Variants in ELMO1 observed in about 807,000 individuals in gnomAD.
ELMO1 encodes engulfment and cell motility protein 1.
In ELMO1, 26 loss-of-function variants were observed where a neutral mutation model predicts 98.9. The observed-to-expected ratio is 0.26, with a 90% CI of 0.19 to 0.36. The LOEUF is 0.36. Among genes scored for constraint, ELMO1 ranks in the 10% least tolerant of loss-of-function variants. The pLI is 1.00. For synonymous variants in ELMO1, 346 were observed against 346.0 expected (o/e 1.00, Z 0.00); for missense variants, 627 against 935.2 (o/e 0.67, Z 4.30).
intron 15 of ELMO1, among the ~76,000 whole-genome samples, chr7:37,086,171 CCTCCTGCCAGGCAGGG>C (rs1783759840): frequency 6.6e-6 from 1 of 152,228 alleles, no homozygotes; most frequent in South Asian, 2.1e-4. Flanking sequence ...CCCGGGCAAG[CCTCCTGCCAGGCAGGG>C]CTCCAGCACC....
chr7:37,319,207 T>C (rs1799356050), intron 2 of ELMO1, among the ~76,000 whole-genome samples: 1 of 152,160 alleles, frequency 6.6e-6, no homozygotes, highest in South Asian at 2.1e-4. Context: ...ATCATCACTT[T>C]CACATTCCCT....
At chr7:37,424,715 C>T (rs999631211) in intron 1 of ELMO1, among the ~76,000 whole-genome samples, 1 of 152,124 alleles carries the variant, frequency 6.6e-6, no homozygotes, top group Non-Finnish European at 1.5e-5. Context: ...ATAATCTGTC[C>T]TGTAATGAGT....
At chr7:37,096,504 TG>T in intron 15 of ELMO1, 114 bp downstream of exon 15, 1 of 798,662 alleles carries the variant, frequency 1.3e-6, no homozygotes, top group Non-Finnish European at 2.1e-6. Context: ...CTATCCACAG[TG>T]ATGACCGTAA....
At chr7:37,265,925 T>C (rs746054501) in intron 5 of ELMO1, among the ~76,000 whole-genome samples, 22 of 151,550 alleles carry the variant, frequency 1.5e-4, no homozygotes, top group Non-Finnish European at 3.1e-4. Context: ...AGGACATCCT[T>C]CCTCAAAGAG....
chr7:36,957,354 C>T (rs12536570), intron 16 of ELMO1, among the ~76,000 whole-genome samples: 31,604 of 151,352 alleles, frequency 0.21, 2,129 homozygotes, highest in African/African-American at 0.37. Flanking sequence ...GCCCTTTTTA[C>T]TCCCTAACTC....
At position 37,342,748 on chromosome 7, in the gene ELMO1, C is replaced by T. The variant is rs1800787238; in HGVS notation, c.-58G>A. On this transcript the variant is annotated 5_prime_UTR_variant, in exon 2 of 22. Coordinates refer to ENST00000310758, the MANE Select transcript of ELMO1 (RefSeq NM_014800.11). This position sits in a 1 kb window ranked among gnomAD's most constrained non-coding sequence, Gnocchi z 4.3. ...AATGAGGATCCTACAGCGTAAACGGCCACACGTGTCTATACCTAATGAGGA... is the reference window on the plus strand; with the variant it reads ...AATGAGGATCCTACAGCGTAAACGGTCACACGTGTCTATACCTAATGAGGA... The T allele has an allele frequency of 1.4e-6, 2 of 1,446,672 alleles. No individual in the cohort carries two copies. The highest frequency in any genetic ancestry group is 1.2e-5 in the South Asian group (1 of 81,174). The allele number at this position is 1,446,672 out of a possible 1,614,324, so 89.6% of individuals were successfully genotyped here. A position where few individuals can be genotyped will look rare whatever the true frequency, so the allele number is the denominator to read the frequency against.
chr7:37,406,433 A>ATT (rs36052735), intron 1 of ELMO1, among the ~76,000 whole-genome samples: 7 of 148,536 alleles, frequency 4.7e-5, no homozygotes, highest in Admixed American at 2.7e-4. Context: ...AAGTAAGAAA[A>ATT]TTTTTTTTTT....
intron 1 of ELMO1, among the ~76,000 whole-genome samples, chr7:37,377,586 A>G (rs929347724): frequency 6.6e-6 from 1 of 152,020 alleles, no homozygotes. Context: ...TGGATAGGAG[A>G]CACCTCCAGG....
At chr7:36,931,078 G>A (rs551573406) in intron 16 of ELMO1, among the ~76,000 whole-genome samples, 1 of 152,340 alleles carries the variant, frequency 6.6e-6, no homozygotes, top group South Asian at 2.1e-4. Context: ...TAAGATGAAA[G>A]CTTTGGTCAC....
intron 1 of ELMO1, among the ~76,000 whole-genome samples, chr7:37,405,484 T>C (rs773090523): frequency 6.6e-6 from 1 of 152,238 alleles, no homozygotes; most frequent in Non-Finnish European, 1.5e-5. Context: ...GTGCTTTAAC[T>C]GACACAAATA....
At chr7:36,905,827 G>A (rs536444154) in intron 16 of ELMO1, among the ~76,000 whole-genome samples, 1 of 152,364 alleles carries the variant, frequency 6.6e-6, no homozygotes, top group Admixed American at 6.5e-5. Flanking sequence ...AGGAATATCA[G>A]TGGATACAGA....
chr7:37,215,212 A>G (rs991969099), intron 11 of ELMO1, among the ~76,000 whole-genome samples: 1 of 152,230 alleles, frequency 6.6e-6, no homozygotes, highest in African/African-American at 2.4e-5. Flanking sequence ...ATTTCTTGTC[A>G]TCTTTGACAG....
At chr7:37,146,107 G>T (rs1466858713) in intron 13 of ELMO1, among the ~76,000 whole-genome samples, 6 of 152,162 alleles carry the variant, frequency 3.9e-5, no homozygotes, top group Non-Finnish European at 7.3e-5. Context: ...GAAGCTCTGT[G>T]GTTGGGAGCC....
intron 10 of ELMO1, among the ~76,000 whole-genome samples, chr7:37,222,298 C>T (rs1793640404): frequency 6.6e-6 from 1 of 152,338 alleles, no homozygotes; most frequent in South Asian, 2.1e-4. Flanking sequence ...AACTCTGCTT[C>T]CACCACAGCA....
intron 16 of ELMO1, among the ~76,000 whole-genome samples, chr7:36,967,196 T>C (rs1031613133): frequency 8.5e-5 from 13 of 152,198 alleles, no homozygotes; most frequent in African/African-American, 3.1e-4. Flanking sequence ...ATACATGCTC[T>C]AGGCCAATCG....
intron 13 of ELMO1, among the ~76,000 whole-genome samples, chr7:37,146,106 T>C (rs550292639): frequency 1.3e-5 from 2 of 152,310 alleles, no homozygotes; most frequent in African/African-American, 4.8e-5. Context: ...AGAAGCTCTG[T>C]GGTTGGGAGC....
intron 1 of ELMO1, among the ~76,000 whole-genome samples, chr7:37,430,725 G>A (rs924500151): frequency 1.3e-5 from 2 of 152,194 alleles, no homozygotes; most frequent in Non-Finnish European, 2.9e-5. Context: ...TATGCCGGCC[G>A]AGGCCAAAGA....
intron 15 of ELMO1, among the ~76,000 whole-genome samples, chr7:37,092,860 T>C (rs1784188840): frequency 6.6e-6 from 1 of 151,968 alleles, no homozygotes; most frequent in Non-Finnish European, 1.5e-5. Context: ...GTCATTCAGA[T>C]GCCCAAATGC....
At chr7:37,173,479 G>A (rs1189233900) in intron 13 of ELMO1, among the ~76,000 whole-genome samples, 1 of 152,202 alleles carries the variant, frequency 6.6e-6, no homozygotes, top group East Asian at 1.9e-4. Flanking sequence ...CTATTATAAG[G>A]GAATTTATTT....
Sources: allele counts gnomAD v4.1 joint callset (sites outside exome capture counted in the v4.1 genomes callset), GRCh38; gene constraint gnomAD v4.1.1; non-coding constraint Gnocchi (gnomAD v3.1); transcripts MANE v1.5; gene names NCBI Gene and HGNC (gene_info 2026-07-23, HGNC 2026-07-21).